Variants in KDM7A observed in about 807,000 individuals in gnomAD.
KDM7A encodes lysine-specific demethylase 7A.
In KDM7A, 28 loss-of-function variants were observed where a neutral mutation model predicts 114.8. The observed-to-expected ratio is 0.24, with a 90% CI of 0.18 to 0.33. The LOEUF (loss-of-function observed/expected upper bound fraction) is 0.33. Ranked by LOEUF, KDM7A falls within the 10% of genes least tolerant of loss-of-function variation. KDM7A has a pLI of 1.00. For synonymous variants in KDM7A, 423 were observed against 397.8 expected (o/e 1.06, Z -0.75); for missense variants, 942 against 1,142.5 (o/e 0.82, Z 2.53).
At chr7:140,102,212 C>T (rs568409432) in intron 11 of KDM7A, 52 bp from the exon 12 acceptor site, 40 of 1,225,194 alleles carry the variant, frequency 3.3e-5, no homozygotes, top group South Asian at 8.6e-5. Context: ...TACACACATA[C>T]GTGACTAAAT....
chr7:140,156,803 C>CA (rs1378887943), intron 1 of KDM7A, among the ~76,000 whole-genome samples: 1 of 152,192 alleles, frequency 6.6e-6, no homozygotes, highest in Non-Finnish European at 1.5e-5. Flanking sequence ...TTCACAGAGA[C>CA]AGAGACAGAG....
At chr7:140,166,201 G>A (rs1017024026) in intron 1 of KDM7A, among the ~76,000 whole-genome samples, 1 of 152,026 alleles carries the variant, frequency 6.6e-6, no homozygotes, top group African/African-American at 2.4e-5. Flanking sequence ...ACACACTACT[G>A]TATATGCATA....
chr7:140,155,174 C>T (rs1351965051), intron 1 of KDM7A, among the ~76,000 whole-genome samples: 2 of 152,154 alleles, frequency 1.3e-5, no homozygotes, highest in Non-Finnish European at 2.9e-5. Context: ...CTTATTACAA[C>T]ATAATTAACA....
At chr7:140,094,227 G>A in intron 17 of KDM7A, 89 bp from the exon 18 acceptor site, 1 of 835,688 alleles carries the variant, frequency 1.2e-6, no homozygotes, top group Non-Finnish European at 2.1e-6. Context: ...AAAGCAGGTT[G>A]GGCGTGATGG....
Position 140,129,666 on chromosome 7 carries a change from A to G in KDM7A, c.399-13T>C, listed in dbSNP as rs770761594. 65 of 1,576,626 alleles carry G rather than the reference A, an allele frequency of 4.1e-5. No homozygotes were observed. The highest frequency in any genetic ancestry group is 5.0e-5 in the Non-Finnish European group (57 of 1,148,834). On this transcript the variant is annotated splice_polypyrimidine_tract_variant and intron_variant, in intron 3 of 19. Transcript: ENST00000397560. ...TATTTCATCGGCACTAAGGAAAAAC[A>G]TAAGAATAAAAATGTCATTTTTATT...
intron 1 of KDM7A, among the ~76,000 whole-genome samples, chr7:140,157,861 C>T (rs888539532): frequency 1.3e-4 from 19 of 151,148 alleles, no homozygotes; most frequent in Non-Finnish European, 7.4e-5. Context: ...CCCAGCTACT[C>T]GAGAGGCCAA....
chr7:140,113,743 T>C (rs746523706), intron 9 of KDM7A, among the ~76,000 whole-genome samples, 161 bp from the exon 10 acceptor site: 2 of 151,692 alleles, frequency 1.3e-5, no homozygotes, highest in Non-Finnish European at 2.9e-5. Context: ...AAAAAGACAA[T>C]AAAGAAACAG....
intron 18 of KDM7A, among the ~76,000 whole-genome samples, chr7:140,092,302 A>T (rs1818034849): frequency 6.6e-6 from 1 of 152,144 alleles, no homozygotes; most frequent in Non-Finnish European, 1.5e-5. Context: ...GGCGAAAGAG[A>T]GAGTGAGAGA....
chr7:140,109,138 G>A (rs998227823), intron 11 of KDM7A, among the ~76,000 whole-genome samples: 2 of 152,190 alleles, frequency 1.3e-5, no homozygotes, highest in Non-Finnish European at 2.9e-5. Context: ...ATTAAGGTGG[G>A]AGTGTCCTGA....
At chr7:140,130,377 T>C (rs980706019) in intron 3 of KDM7A, among the ~76,000 whole-genome samples, 4 of 152,204 alleles carry the variant, frequency 2.6e-5, no homozygotes, top group African/African-American at 9.6e-5. Flanking sequence ...TTCCAGCACT[T>C]TGGGAGGCTG....
chr7:140,114,961 G>T (rs902115557), intron 9 of KDM7A, among the ~76,000 whole-genome samples: 13 of 151,578 alleles, frequency 8.6e-5, no homozygotes, highest in South Asian at 4.2e-4. Flanking sequence ...TAACTGAGGA[G>T]CCCCTCCGCC....
At chr7:140,104,955 T>C (rs1440269517) in intron 11 of KDM7A, among the ~76,000 whole-genome samples, 1 of 152,180 alleles carries the variant, frequency 6.6e-6, no homozygotes, top group African/African-American at 2.4e-5. Flanking sequence ...TTGTGTCTTC[T>C]TTTATTTTGT....
At chr7:140,096,520 T>C in intron 17 of KDM7A, 35 bp downstream of exon 17, 1 of 1,523,140 alleles carries the variant, frequency 6.6e-7, no homozygotes, top group Non-Finnish European at 9.1e-7. Context: ...GCAACATATG[T>C]TACTTTTTAG....
rs1054731083 is a variant in KDM7A at position 140,120,464 on chromosome 7, G to C, written c.1117C>G (p.Leu373Val). The C allele has an allele frequency of 6.2e-7, 1 of 1,611,042 alleles. No individual in the cohort carries two copies. The highest frequency in any genetic ancestry group is 8.5e-7 in the Non-Finnish European group (1 of 1,177,446). ...MAFGGNFLHN[L>V]NIGMQLRCYE... Reference sequence around the variant, plus strand: ...AACCTGAGCTGCATGCCAATGTTAAGGTTGTGCAGGAAGTTCCCCCCAAAA... The same window carrying C: ...AACCTGAGCTGCATGCCAATGTTAACGTTGTGCAGGAAGTTCCCCCCAAAA... The change falls in exon 8 of 20, where the codon CTT (leucine) becomes GTT (valine). Residue 373 changes from leucine (L) to valine (V), a missense_variant. Coordinates refer to ENST00000397560, the MANE Select transcript of KDM7A (RefSeq NM_030647.2).
rs934528140 is a variant in KDM7A, at chr7:140,146,415, A to C, written c.195-7225T>G. On this transcript the variant is annotated intron_variant, in intron 1 of 19. Transcript: ENST00000397560. ...TTCACTCACTGCCTCCCTACTAAAA[A>C]ATTGCTAGAATCATGATAGCTATAA... is the stretch of plus-strand genomic sequence containing the variant. 6.3e-4 allele frequency among the ~76,000 whole-genome samples: 96 copies of C among 152,126 alleles called. 1 individual carries two copies. Among genetic ancestry groups the C allele is most frequent in the African/African-American group, 2.3e-3 (94 of 41,416 alleles).
intron 1 of KDM7A, among the ~76,000 whole-genome samples, chr7:140,161,823 C>T (rs538288801): frequency 4.0e-5 from 6 of 151,868 alleles, no homozygotes; most frequent in African/African-American, 7.3e-5. Context: ...GGATTACAGG[C>T]GTGAGCCATT....
At chr7:140,121,153 A>T (rs576825781) in intron 7 of KDM7A, among the ~76,000 whole-genome samples, 3 of 152,196 alleles carry the variant, frequency 2.0e-5, no homozygotes, top group African/African-American at 7.2e-5. Context: ...GATTACTCAC[A>T]TTTAATTATG....
At chr7:140,123,888 G>A (rs563705826) in intron 7 of KDM7A, among the ~76,000 whole-genome samples, 3 of 152,052 alleles carry the variant, frequency 2.0e-5, no homozygotes, top group East Asian at 3.9e-4. Flanking sequence ...TGGCTAACAC[G>A]TGACACCCGG....
In KDM7A at chr7:140,111,106, G is replaced by T; in HGVS notation, c.1417C>A (p.Arg473=). 2 of 1,585,404 alleles carry T rather than the reference G, an allele frequency of 1.3e-6. No individual in the cohort carries two copies. The highest frequency in any genetic ancestry group is 1.1e-5 in the South Asian group (1 of 89,626). Residue 473 remains arginine (R), a synonymous_variant, in exon 11 of 20, where the codon CGA becomes AGA. Transcript: ENST00000397560. ...HLIKELSKVI[R]AIEEENGKPV... ...GTTTCCACTCTTACCTCTATTGCTC[G>T]AATTACTTTAGAAAGTTCTTTAATA...
Sources: gnomAD v4.1 joint callset for allele counts (sites outside exome capture counted in the v4.1 genomes callset) on GRCh38, gnomAD v4.1.1 for gene constraint, MANE v1.5 for transcripts, NCBI Gene and HGNC (gene_info 2026-07-23, HGNC 2026-07-21) for gene names.